The following DNAH8 variants were observed in gnomAD, a reference collection of about 807,000 sequenced individuals.
The protein encoded by DNAH8 is axonemal beta dynein heavy chain 8.
Under a neutral mutation model 562.1 loss-of-function variants are expected in DNAH8, and 382 were observed. The observed-to-expected ratio is 0.68, with a 90% CI of 0.63 to 0.74. The LOEUF is 0.74. DNAH8 is among the 30% of genes least tolerant of loss of function. The pLI is 0.00. For synonymous variants in DNAH8, 1,881 were observed against 1,919.4 expected, an observed-to-expected ratio of 0.98 and a Z score of 0.52; for missense variants, 5,203 against 5,620.4, an observed-to-expected ratio of 0.93 and a Z score of 2.37.
chr6:38,937,934 C>T, intron 77 of DNAH8, 40 bp from the exon 78 acceptor site: 1 of 1,583,890 alleles, frequency 6.3e-7, no homozygotes, highest in East Asian at 2.3e-5. Context: ...TTGCAAGTTT[C>T]CCGTCTTGTG....
At chr6:38,792,563 A>G (rs1769859925) in intron 21 of DNAH8, among the ~76,000 whole-genome samples, 1 of 152,132 alleles carries the variant, frequency 6.6e-6, no homozygotes, top group Non-Finnish European at 1.5e-5. Context: ...CTGATTGTGA[A>G]ATGCCCCAGC....
chr6:38,718,125 T>G (rs67457665), intron 1 of DNAH8, among the ~76,000 whole-genome samples: 17,087 of 152,146 alleles, frequency 0.11, 1,556 homozygotes, highest in African/African-American at 0.25. Context: ...TACAGAACAA[T>G]TAGTGGGCCC....
At chr6:38,764,484 G>A (rs569998736) in intron 11 of DNAH8, 3 of 152,182 alleles carry the variant, frequency 2.0e-5, no homozygotes, top group African/African-American at 4.8e-5. Context: ...GACAAAAAAG[G>A]CTTTGGATAA....
chr6:39,025,756 G>A (rs746024418), intron 91 of DNAH8, among the ~76,000 whole-genome samples: 2 of 152,166 alleles, frequency 1.3e-5, no homozygotes, highest in African/African-American at 2.4e-5. Flanking sequence ...TTACTCATTG[G>A]AGAGCTTTAT....
intron 82 of DNAH8, among the ~76,000 whole-genome samples, chr6:38,969,972 A>G (rs1472082159): frequency 6.6e-6 from 1 of 152,096 alleles, no homozygotes; most frequent in Non-Finnish European, 1.5e-5. Context: ...CCAAGAATCT[A>G]GGCAAGAGGT....
rs1762305436 is a variant in DNAH8, at chr6:38,957,253, C to T, written c.12451+5733C>T. Among the ~76,000 whole-genome samples the T allele has an allele frequency of 2.7e-5, 4 of 150,770 alleles. No homozygotes were observed. In the South Asian group the frequency reaches 8.3e-4, roughly 31 times the overall value. On this transcript the variant is annotated intron_variant, in intron 82 of 92. Transcript: ENST00000327475. ...GTGTGCATACACACAATGCACCCAA[C>T]ATCAGAGCACCTAAGTGTATAAAGA...
intron 85 of DNAH8, among the ~76,000 whole-genome samples, chr6:38,976,348 G>T (rs1341981317): frequency 6.6e-6 from 1 of 152,172 alleles, no homozygotes. Context: ...AATACAGTGA[G>T]TGTAGGTAAT....
Position 38,926,110 on chromosome 6 carries a change from G to A in DNAH8, c.11018G>A (p.Gly3673Asp). 6.2e-7 allele frequency: 1 copy of A among 1,613,702 alleles called. No individual in the cohort carries two copies. Among genetic ancestry groups the A allele is most frequent in the Non-Finnish European group, 8.5e-7 (1 of 1,179,792 alleles). The change falls in exon 74 of 93, where the codon GGC becomes GAC. Residue 3673 changes from glycine (G) to aspartate (D), a missense_variant. Physicochemically the swap from Gly to Asp is moderately conservative, Grantham distance 94. Transcript: ENST00000327475. ...LPGDDLSIQN[G>D]IIVTKATRYP... ...GGAGATGATCTCTCAATTCAGAATG[G>A]CATTATTGTGACAAAGGCCACCAGA...
At chr6:38,721,785 G>A (rs756534602) in intron 1 of DNAH8, among the ~76,000 whole-genome samples, 1 of 152,150 alleles carries the variant, frequency 6.6e-6, no homozygotes, top group Non-Finnish European at 1.5e-5. Flanking sequence ...GGCTGGCTCT[G>A]TGTAGTATCT....
chr6:38,865,718 G>A (rs1273179982), intron 45 of DNAH8, among the ~76,000 whole-genome samples: 3 of 152,182 alleles, frequency 2.0e-5, no homozygotes, highest in Non-Finnish European at 4.4e-5. Flanking sequence ...AGGCAGGCTG[G>A]GAAATGTAGT....
intron 41 of DNAH8, 74 bp from the exon 42 acceptor site, chr6:38,857,444 G>A (rs1776289459): frequency 1.0e-6 from 1 of 963,986 alleles, no homozygotes. Context: ...ATGTGAATAA[G>A]TGACCACCAA....
At chr6:38,963,270 T>C (rs973984467) in intron 82 of DNAH8, among the ~76,000 whole-genome samples, 3 of 91,906 alleles carry the variant, frequency 3.3e-5, no homozygotes, top group Admixed American at 1.3e-4. Context: ...TTTTTTTTTT[T>C]TTTTTTTTTT....
chr6:38,864,547 C>T (rs1023810822), intron 45 of DNAH8, among the ~76,000 whole-genome samples: 23 of 152,214 alleles, frequency 1.5e-4, no homozygotes, highest in Admixed American at 1.4e-3. Flanking sequence ...GAGGTACCTA[C>T]TATCTCAATC....
chr6:38,998,638 T>C (rs1332015), intron 88 of DNAH8, among the ~76,000 whole-genome samples: 122,725 of 152,124 alleles, frequency 0.81, 50,188 homozygotes, highest in Middle Eastern at 0.88. Context: ...TTGGATATTA[T>C]GGTGCACTAA....
chr6:38,723,110 C>T lies in DNAH8; in HGVS notation c.301C>T (p.Leu101=), dbSNP rs749695112. The T allele has an allele frequency of 6.2e-6, 10 of 1,612,768 alleles. No individual in the cohort carries two copies. In the East Asian group the frequency reaches 2.0e-4, roughly 32 times the overall value. ...GGTTCAGTCAGTGATTTCGGAAGTG[C>T]TGTCCTTGCCGTCTTCCCGGAGGTC... ...RPVQSVISEV[L]SLPSSRRSSR... The change falls in exon 2 of 93, where the codon CTG becomes TTG. Residue 101 remains leucine (L), a synonymous_variant. Transcript: ENST00000327475.
intron 38 of DNAH8, among the ~76,000 whole-genome samples, chr6:38,851,258 G>A (rs996592055): frequency 9.9e-5 from 15 of 152,116 alleles, no homozygotes; most frequent in Admixed American, 8.5e-4. Context: ...TGGAGATACG[G>A]TTTGTGCTCC....
chr6:39,023,959 C>T (rs1234529736), intron 91 of DNAH8, among the ~76,000 whole-genome samples: 1 of 152,236 alleles, frequency 6.6e-6, no homozygotes, highest in Non-Finnish European at 1.5e-5. Flanking sequence ...TGGCTGAAGT[C>T]AGCTGCCCAA....
chr6:38,781,741 A>G (rs1486712727), intron 16 of DNAH8, among the ~76,000 whole-genome samples: 1 of 152,172 alleles, frequency 6.6e-6, no homozygotes, highest in Non-Finnish European at 1.5e-5. Context: ...ACTGATACAT[A>G]CTCAGTGAAG....
At chr6:38,730,719 A>G (rs1027483883) in intron 4 of DNAH8, among the ~76,000 whole-genome samples, 5 of 152,144 alleles carry the variant, frequency 3.3e-5, no homozygotes, top group Non-Finnish European at 7.4e-5. Context: ...TCCACATCTC[A>G]TTTATTCAAG....
Sources: gnomAD v4.1 joint callset for allele counts (sites outside exome capture counted in the v4.1 genomes callset) on GRCh38, gnomAD v4.1.1 for gene constraint, MANE v1.5 for transcripts, NCBI Gene and HGNC (gene_info 2026-07-23, HGNC 2026-07-21) for gene names.